ABCA2: variants seen among roughly 807,000 people sequenced by gnomAD.
The protein encoded by ABCA2 is ATP binding cassette subfamily A member 2.
A neutral mutation model predicts 262.8 loss-of-function variants in ABCA2; 84 were observed. That is an observed-to-expected ratio of 0.32 (90% CI 0.27 to 0.38). The LOEUF (loss-of-function observed/expected upper bound fraction) is 0.38. Among genes scored for constraint, ABCA2 ranks in the 10% least tolerant of loss-of-function variants. The pLI is 1.00. For missense variants in ABCA2, 2,662 were observed against 3,405.9 expected (o/e 0.78, Z 5.44); for synonymous variants, 1,696 against 1,502.9 (o/e 1.13, Z -2.97).
rs1269864355 is a variant in ABCA2, at chr9:137,017,628, A to G, written c.2276T>C (p.Val759Ala). The G allele has an allele frequency of 1.2e-6, 2 of 1,612,630 alleles. No individual in the cohort carries two copies. Among genetic ancestry groups the G allele is most frequent in the Non-Finnish European group, 1.7e-6 (2 of 1,179,924 alleles). Residue 759 changes from valine to alanine, a missense_variant, in exon 17 of 49, where the codon GTG becomes GCG. Transcript: ENST00000341511. ...TGCTGTCACGGAGATGGACAGCTGCACAAAGCCGGTGATGAACCAGGCCAC... is the reference window on the plus strand; with the variant it reads ...TGCTGTCACGGAGATGGACAGCTGCGCAAAGCCGGTGATGAACCAGGCCAC... ...HWVAWFITGF[V>A]QLSISVTALT...
In ABCA2 at chr9:137,014,797, C is replaced by G; in HGVS notation, c.3896G>C (p.Ser1299Thr). The change falls in exon 26 of 49, where the codon AGC becomes ACC. Residue 1299 changes from serine to threonine, a missense_variant. Physicochemically the swap from Ser to Thr is moderately conservative, Grantham distance 58. Coordinates refer to ENST00000341511, the MANE Select transcript of ABCA2 (RefSeq NM_001606.5). ...FERLFQHLER[S>T]LDALHLSSFG... ...GCTGCTGAGGTGCAGTGCATCCAGG[C>G]TGCGCTCCAGGTGCTGCAGGGGCGG... 6.2e-7 allele frequency: 1 copy of G among 1,600,676 alleles called. No individual in the cohort carries two copies. Among genetic ancestry groups the G allele is most frequent in the Non-Finnish European group, 8.5e-7 (1 of 1,174,838 alleles).
Position 137,007,611 on chromosome 9 carries a change from C to T in ABCA2, c.*318G>A. ...AGGAGAAAGGCCAGCAGTGCCTGGT[C>T]CAGCCGGCGTCGCCTTGGGCGGTGA... On this transcript the variant is annotated 3_prime_UTR_variant, in exon 49 of 49. Transcript: ENST00000341511. The T allele has an allele frequency of 2.1e-6, 1 of 475,216 alleles. No individual in the cohort carries two copies. The highest frequency in any genetic ancestry group is 3.8e-6 in the Non-Finnish European group (1 of 261,794). The allele number at this position is 475,216 out of a possible 1,614,324, so 29.4% of individuals were successfully genotyped here.
rs762601480 is a variant in ABCA2, at chr9:137,022,862, G to A, written c.279C>T (p.Val93=). The part of the protein sequence containing the change: ...FGFLQYANST[V]TQLLERLDRV... Reference sequence around the variant, plus strand: ...GGTCCAGGCGCTCAAGCAGCTGCGTGACCCTGCACCATGGCGGATGTCACT... The same window carrying A: ...GGTCCAGGCGCTCAAGCAGCTGCGTAACCCTGCACCATGGCGGATGTCACT... Residue 93 remains valine (V), a synonymous_variant, in exon 5 of 49, where the codon GTC becomes GTT. Transcript: ENST00000341511. The A allele has an allele frequency of 2.2e-6, 3 of 1,336,274 alleles. No individual in the cohort carries two copies. The highest frequency in any genetic ancestry group is 3.0e-6 in the Non-Finnish European group (3 of 1,009,270). The allele number at this position is 1,336,274 out of a possible 1,614,324, so 82.8% of individuals were successfully genotyped here.
Position 137,020,457 on chromosome 9 carries a change from C to T in ABCA2, c.1304G>A (p.Ser435Asn). The T allele has an allele frequency of 6.2e-7, 1 of 1,608,248 alleles. No homozygotes were observed. Among genetic ancestry groups the T allele is most frequent in the Non-Finnish European group, 8.5e-7 (1 of 1,177,330 alleles). Residue 435 changes from serine (S) to asparagine (N), a missense_variant, in exon 10 of 49, where the codon AGC becomes AAC. Physicochemically the swap from Ser to Asn is conservative, Grantham distance 46 (BLOSUM62 1). Around this residue, in one of 12 missense-constraint regions of ABCA2, gnomAD observed 92 missense variants for 146.7 expected, o/e 0.63. Transcript: ENST00000341511. ...CTCCTTGCTCGTGAAGCCCAGGGAG[C>T]TCATGTTGCCCCGCCGCAGCGCCTC... Reference protein sequence around the residue: ...EPEALRRGNMSSLGFTSKEQR... With the variant: ...EPEALRRGNMNSLGFTSKEQR...
At chr9:137,018,457 C>A in intron 13 of ABCA2, 106 bp from the exon 14 acceptor site, 2 of 605,440 alleles carry the variant, frequency 3.3e-6, no homozygotes, top group Non-Finnish European at 4.8e-6. Context: ...GGGGCGGGGA[C>A]AGGAGGGTCC....
intron 5 of ABCA2, 72 bp downstream of exon 5, chr9:137,022,630 G>A: frequency 5.1e-6 from 8 of 1,565,856 alleles, no homozygotes; most frequent in Non-Finnish European, 6.9e-6. Flanking sequence ...CAGAGTGGAT[G>A]TGGGCTTCAG....
At chr9:137,014,516 GA>G in intron 26 of ABCA2, 112 bp from the exon 27 acceptor site, 1 of 1,444,834 alleles carries the variant, frequency 6.9e-7, no homozygotes, top group South Asian at 1.3e-5. Context: ...ACCTGTCCGG[GA>G]CCTCTGGCCA....
Position 137,021,704 on chromosome 9 carries a change from G to C in ABCA2, c.679-94C>G, listed in dbSNP as rs1397726255. On this transcript the variant is annotated intron_variant, in intron 7 of 48. Transcript: ENST00000341511. The surrounding 1 kb of genome is among the most constrained non-coding windows in gnomAD (Gnocchi z 6.0). ...CTCACCCTGCCCCACCCACTGGCTG[G>C]CTCTGGGGCTGCCTGGGTCCCACGA... The C allele has an allele frequency of 5.8e-6, 8 of 1,378,268 alleles. No individual in the cohort carries two copies. Among genetic ancestry groups the C allele is most frequent in the Admixed American group, 2.1e-5 (1 of 48,218 alleles). 85.4% of individuals were successfully genotyped at this position (1,378,268 alleles called of 1,614,324 possible). A position where few individuals can be genotyped will look rare whatever the true frequency, so the allele number is the denominator to read the frequency against.
At position 137,008,481 on chromosome 9, in the gene ABCA2, C is replaced by T. The variant is rs779981277; in HGVS notation, c.7210G>A (p.Val2404Met). ...TCCAGGTCCTCGGGCTCGTCTGCCA[C>T]AAGTGCCCGGAGCTCCGTGGGGGCA... ...RSAPTELRAL[V>M]ADEPEDLDTE... The change falls in exon 48 of 49, where the codon GTG (valine) becomes ATG (methionine). Residue 2404 changes from valine (V) to methionine (M), a missense_variant. This residue lies in a region of ABCA2 where 212 missense variants were observed against 214.4 expected (regional missense o/e 0.99). Transcript: ENST00000341511. 2 of 1,571,418 alleles carry T rather than the reference C, an allele frequency of 1.3e-6. No individual in the cohort carries two copies. The highest frequency in any genetic ancestry group is 1.7e-6 in the Non-Finnish European group (2 of 1,158,880).
Position 137,019,003 on chromosome 9 carries a change from A to G in ABCA2, c.1622T>C (p.Leu541Pro), listed in dbSNP as rs1335611429. 2 of 1,612,802 alleles carry G rather than the reference A, an allele frequency of 1.2e-6. No individual in the cohort carries two copies. Among genetic ancestry groups the G allele is most frequent in the Non-Finnish European group, 1.7e-6 (2 of 1,179,864 alleles). Residue 541 changes from leucine (L) to proline (P), a missense_variant, in exon 12 of 49, where the codon CTG becomes CCG. Physicochemically the swap from Leu to Pro is moderately conservative, Grantham distance 98. Around this residue, in one of 12 missense-constraint regions of ABCA2, gnomAD observed 187 missense variants for 205.9 expected, o/e 0.91. Coordinates refer to ENST00000341511, the MANE Select transcript of ABCA2 (RefSeq NM_001606.5). This position sits in a 1 kb window ranked among gnomAD's most constrained non-coding sequence, Gnocchi z 4.4. Reference protein sequence around the residue: ...NLSLDELPPALRQDNFSLPSG... With the variant: ...NLSLDELPPAPRQDNFSLPSG... ...GGGCAGCGAGAAGTTGTCCTGTCTC[A>G]GGGCCGGCGGCAGCTCATCCAGTGA...
rs1014185122 is a variant in ABCA2, at chr9:137,012,845, A to G, written c.4948T>C (p.Phe1650Leu). The change falls in exon 31 of 49, where the codon TTC (phenylalanine) becomes CTC (leucine). Residue 1650 changes from phenylalanine to leucine, a missense_variant. Around this residue, in one of 12 missense-constraint regions of ABCA2, gnomAD observed 192 missense variants for 207.2 expected, o/e 0.93. Coordinates refer to ENST00000341511, the MANE Select transcript of ABCA2 (RefSeq NM_001606.5). ...CCGCCCACACTGCTGGGGCAGGAGA[A>G]GCCGGTGCCCTGCGCAGAGCAGGTG... ...RCTCSAQGTGFSCPSSVGGHP... is the reference protein window; with the variant it reads ...RCTCSAQGTGLSCPSSVGGHP... The G allele has an allele frequency of 2.5e-6, 4 of 1,609,844 alleles. No homozygotes were observed. The highest frequency in any genetic ancestry group is 3.4e-6 in the Non-Finnish European group (4 of 1,178,560).
intron 3 of ABCA2, chr9:137,023,393 C>A: frequency 1.4e-6 from 1 of 710,722 alleles, no homozygotes; most frequent in African/African-American, 1.7e-5. Flanking sequence ...GCCTACAGAG[C>A]CCAGGGGAGG....
intron 10 of ABCA2, 185 bp downstream of exon 10, chr9:137,020,151 T>G (rs1376534583): frequency 1.4e-6 from 1 of 726,192 alleles, no homozygotes; most frequent in African/African-American, 2.0e-5. Context: ...CAGCAGCCCC[T>G]GGAGCTCCCG....
At position 137,010,980 on chromosome 9, in the gene ABCA2, G is replaced by A. The variant is rs1275073726; in HGVS notation, c.6049C>T (p.Arg2017Trp). The A allele has an allele frequency of 4.1e-6, 6 of 1,473,532 alleles. No homozygotes were observed. Among genetic ancestry groups the A allele is most frequent in the African/African-American group, 2.9e-5 (2 of 68,566 alleles). 91.3% of individuals were successfully genotyped at this position (1,473,532 alleles called of 1,614,324 possible). ...ACCCCGCCCCCCACTCACTGTGGCC[G>A]CCGCAGGAAGTTGTACTGGCACATG... ...TIMCQYNFLR[R>W]PQRMPVSTKP... is the part of the protein sequence containing the mutation. Residue 2017 changes from arginine to tryptophan, a missense_variant, in exon 39 of 49, where the codon CGG becomes TGG. Transcript: ENST00000341511.
chr9:137,018,897 G>C lies in ABCA2; in HGVS notation c.1722+6C>G. ...CGTGGGTTGGCTCGGAGGCCCCACC[G>C]CTCACCTTGGACATGAACTGGATCC... On this transcript the variant is annotated splice_donor_region_variant and intron_variant, in intron 12 of 48. Transcript: ENST00000341511. 1 of 1,612,142 alleles carries C rather than the reference G, an allele frequency of 6.2e-7. No homozygotes were observed. Among genetic ancestry groups the C allele is most frequent in the Middle Eastern group, 1.7e-4 (1 of 6,056 alleles).
intron 45 of ABCA2, 38 bp downstream of exon 45, chr9:137,009,332 G>GGGCCCC: frequency 4.9e-5 from 48 of 980,408 alleles, no homozygotes; most frequent in Non-Finnish European, 7.1e-5. Flanking sequence ...CCCCCCCCGG[G>GGGCCCC]CCCGCCCCAG....
rs1356563091 is a variant in ABCA2, at chr9:137,017,086, C to T, written c.2592G>A (p.Lys864=). The T allele has an allele frequency of 1.2e-6, 2 of 1,612,730 alleles. No individual in the cohort carries two copies. The highest frequency in any genetic ancestry group is 3.3e-5 in the Admixed American group (2 of 60,024). The change falls in exon 19 of 49, where the codon AAG becomes AAA. Residue 864 remains lysine, a synonymous_variant. Coordinates refer to ENST00000341511, the MANE Select transcript of ABCA2 (RefSeq NM_001606.5). ...CGGCCACCTCATACAGCGCGAAGTA[C>T]TTAGAGCCCAGACCAAAGGCCGTCG... ...MSTTAFGLGS[K]YFALYEVAGV...
rs1831380065 is a variant in ABCA2 at position 137,019,490 on chromosome 9, C to T, written c.1426-184G>A. The T allele has an allele frequency of 1.6e-6, 1 of 642,328 alleles. No homozygotes were observed. 39.8% of individuals were successfully genotyped at this position (642,328 alleles called of 1,614,324 possible). On this transcript the variant is annotated intron_variant, in intron 10 of 48. Coordinates refer to ENST00000341511, the MANE Select transcript of ABCA2 (RefSeq NM_001606.5). The surrounding 1 kb of genome is among the most constrained non-coding windows in gnomAD (Gnocchi z 4.4). The stretch of plus-strand genomic sequence containing the variant: ...CACGCTGGAGTGCAGTGGTGCAGTC[C>T]CAGCTCACTGCAGCCTCCACCTCCC...
At chr9:137,023,637 T>C (rs1186943843) in intron 3 of ABCA2, 3 of 693,882 alleles carry the variant, frequency 4.3e-6, no homozygotes, top group Non-Finnish European at 7.9e-6. Context: ...GCTGTGCCTT[T>C]AGGTGGCCGG....
Sources: gnomAD v4.1 joint callset for allele counts on GRCh38, gnomAD v4.1.1 for gene constraint, gnomAD v4.1.1 regional missense constraint, Gnocchi (gnomAD v3.1) non-coding constraint, MANE v1.5 for transcripts, NCBI Gene and HGNC (gene_info 2026-07-23, HGNC 2026-07-21) for gene names.